KCNH1: variants seen among roughly 807,000 people sequenced by gnomAD.
The protein encoded by KCNH1 is potassium voltage-gated channel subfamily H member 1.
In KCNH1, 27 loss-of-function variants were observed where a neutral mutation model predicts 69.2. That is an observed-to-expected ratio of 0.39 (90% confidence interval 0.29 to 0.54). KCNH1 has a LOEUF of 0.54. Among genes scored for constraint, KCNH1 ranks in the 20% least tolerant of loss-of-function variants. The pLI is 0.68. For missense variants in KCNH1, 798 were observed against 1,261.6 expected (o/e 0.63, Z 5.57); for synonymous variants, 456 against 487.7 (o/e 0.93, Z 0.86).
intron 7 of KCNH1, among the ~76,000 whole-genome samples, chr1:210,917,254 A>AG (rs1687361926): frequency 6.7e-6 from 1 of 149,362 alleles, no homozygotes; most frequent in African/African-American, 2.5e-5. Context: ...AAAGAAAGAA[A>AG]GAAAGAAAGA....
At chr1:210,928,679 G>A (rs75584262) in intron 6 of KCNH1, among the ~76,000 whole-genome samples, 11,993 of 151,746 alleles carry the variant, frequency 0.079, 669 homozygotes, top group South Asian at 0.18. Context: ...CCCAAACCCA[G>A]CAGAAGAAAA....
chr1:210,954,946 T>C (rs1269421638), intron 6 of KCNH1, among the ~76,000 whole-genome samples: 1 of 152,244 alleles, frequency 6.6e-6, no homozygotes, highest in Non-Finnish European at 1.5e-5. Context: ...TTGCCATTGC[T>C]TTTGGTGTTT....
At chr1:210,947,893 CAT>C (rs1383894247) in intron 6 of KCNH1, among the ~76,000 whole-genome samples, 1 of 152,046 alleles carries the variant, frequency 6.6e-6, no homozygotes, top group Non-Finnish European at 1.5e-5. Context: ...CATCTTATCA[CAT>C]GAGTTTTTGT....
intron 10 of KCNH1, among the ~76,000 whole-genome samples, chr1:210,741,603 C>T (rs908056300): frequency 6.6e-5 from 10 of 152,202 alleles, no homozygotes; most frequent in African/African-American, 2.4e-4. Flanking sequence ...CCAAGCAACA[C>T]TGCAAGAAAG....
At chr1:210,875,440 T>G (rs562497390) in intron 7 of KCNH1, among the ~76,000 whole-genome samples, 1 of 152,174 alleles carries the variant, frequency 6.6e-6, no homozygotes, top group East Asian at 1.9e-4. Flanking sequence ...GAATCATGAG[T>G]AAAACTTATT....
chr1:210,750,710 G>C (rs1463750554), intron 10 of KCNH1, among the ~76,000 whole-genome samples: 1 of 152,076 alleles, frequency 6.6e-6, no homozygotes, highest in African/African-American at 2.4e-5. Flanking sequence ...AGCAGGGACA[G>C]GTGGCAGGGA....
At chr1:210,844,903 C>T (rs1346407069) in intron 7 of KCNH1, among the ~76,000 whole-genome samples, 1 of 152,188 alleles carries the variant, frequency 6.6e-6, no homozygotes, top group Non-Finnish European at 1.5e-5. Context: ...GATATCACCA[C>T]TGATCCCACA....
At chr1:210,923,276 A>G (rs549969576) in intron 6 of KCNH1, among the ~76,000 whole-genome samples, 37 of 152,364 alleles carry the variant, frequency 2.4e-4, no homozygotes, top group African/African-American at 8.9e-4. Context: ...CTCTGAGTTC[A>G]GCAATGTCTT....
intron 10 of KCNH1, among the ~76,000 whole-genome samples, chr1:210,755,476 A>C (rs1486053408): frequency 6.6e-6 from 1 of 152,224 alleles, no homozygotes; most frequent in East Asian, 1.9e-4. Flanking sequence ...CATAATAGCG[A>C]AACAAAGCCA....
chr1:211,022,668 T>C (rs1558571469), intron 5 of KCNH1, among the ~76,000 whole-genome samples: 1 of 152,144 alleles, frequency 6.6e-6, no homozygotes, highest in Non-Finnish European at 1.5e-5. Flanking sequence ...GTAATCTGAA[T>C]AGCTATTTAT....
intron 6 of KCNH1, among the ~76,000 whole-genome samples, chr1:210,953,480 T>G (rs1688102400): frequency 6.6e-6 from 1 of 152,160 alleles, no homozygotes; most frequent in Admixed American, 6.5e-5. Flanking sequence ...CTGTGAAAAC[T>G]CTCTCTTGGT....
intron 6 of KCNH1, among the ~76,000 whole-genome samples, chr1:210,957,920 G>T (rs548009750): frequency 5.7e-4 from 87 of 151,978 alleles, no homozygotes; most frequent in Non-Finnish European, 9.4e-4. Context: ...TACATTTAAG[G>T]TTAATATGGT....
At chr1:210,862,104 C>G (rs61848965) in intron 7 of KCNH1, 218,989 of 1,055,284 alleles carry the variant, frequency 0.21, 25,738 homozygotes, top group Non-Finnish European at 0.25. Context: ...TTATATTTTT[C>G]AAATAGATAA....
intron 10 of KCNH1, among the ~76,000 whole-genome samples, chr1:210,752,187 G>T (rs1043472971): frequency 1.3e-5 from 2 of 152,174 alleles, no homozygotes; most frequent in African/African-American, 4.8e-5. Flanking sequence ...TTACTCCAAG[G>T]CTGTAAGGAA....
intron 5 of KCNH1, among the ~76,000 whole-genome samples, chr1:211,033,788 T>A (rs1430758679): frequency 6.6e-6 from 1 of 151,888 alleles, no homozygotes. Context: ...TGGGGAGGGA[T>A]AGCATTAGGA....
rs1176194932 is a variant in KCNH1, at chr1:211,004,732, G to C, written c.1032+14051C>G. Among the ~76,000 whole-genome samples the C allele has an allele frequency of 2.6e-5, 4 of 152,146 alleles. No individual in the cohort carries two copies. In the East Asian group the frequency reaches 7.7e-4, roughly 29 times the overall value. On this transcript the variant is annotated intron_variant, in intron 6 of 10. Transcript: ENST00000271751. ...GTGTCAGAGTGGATTTAAAAAATAG[G>C]CTTCTTAGAAGAGATATATCTAAAA... is the stretch of plus-strand genomic sequence containing the variant.
At chr1:210,939,184 A>T (rs1687835305) in intron 6 of KCNH1, among the ~76,000 whole-genome samples, 1 of 152,190 alleles carries the variant, frequency 6.6e-6, no homozygotes, top group African/African-American at 2.4e-5. Context: ...TTAAGCACTA[A>T]TAAACCGGTG....
rs755015244 is a variant in KCNH1, at chr1:210,683,331, A to G, written c.2920T>C (p.Ser974Pro). Reference protein sequence around the residue: ...SQSPQELFEISRPQSPESERD... With the variant: ...SQSPQELFEIPRPQSPESERD... ...TCTGATTCTGGGGACTGTGGCCTCG[A>G]TATTTCAAACAACTCCTGAGGAGAC... Residue 974 changes from serine to proline, a missense_variant, in exon 11 of 11, where the codon TCG becomes CCG. By Grantham distance (74) the Ser-to-Pro change is moderately conservative (BLOSUM62 -1). Around this residue, in one of 4 missense-constraint regions of KCNH1, gnomAD observed 331 missense variants for 363.2 expected, o/e 0.91. Transcript: ENST00000271751. The surrounding 1 kb of genome is among the most constrained non-coding windows in gnomAD (Gnocchi z 5.7). The G allele has an allele frequency of 1.2e-5, 20 of 1,613,922 alleles. 1 individual carries two copies. The South Asian group carries it at 2.2e-4, about 18-fold the overall frequency.
At chr1:210,829,954 T>C (rs1352317556) in intron 7 of KCNH1, among the ~76,000 whole-genome samples, 1 of 152,220 alleles carries the variant, frequency 6.6e-6, no homozygotes, top group African/African-American at 2.4e-5. Context: ...TTTTATTATG[T>C]GTCTTATCTT....
Sources: gnomAD v4.1 joint callset for allele counts (sites outside exome capture counted in the v4.1 genomes callset) on GRCh38, gnomAD v4.1.1 for gene constraint, gnomAD v4.1.1 regional missense constraint, Gnocchi (gnomAD v3.1) non-coding constraint, MANE v1.5 for transcripts, NCBI Gene and HGNC (gene_info 2026-07-23, HGNC 2026-07-21) for gene names.